Variants in CNTLN observed in about 807,000 individuals in gnomAD.
CNTLN encodes centlein, centrosomal protein.
A neutral mutation model predicts 180.0 loss-of-function variants in CNTLN; 212 were observed. That is an observed-to-expected ratio of 1.18 (90% CI 1.05 to 1.32). The LOEUF (loss-of-function observed/expected upper bound fraction) is 1.32, where lower values mean the gene tolerates loss of function less well. Among genes scored for constraint, CNTLN ranks in the 40% most tolerant of loss-of-function variants. The probability of loss-of-function intolerance (pLI) is 0.00; values close to 1 mark genes in which losing one functional copy is unlikely to be tolerated. For missense variants in CNTLN, 2,095 were observed against 1,610.9 expected, an observed-to-expected ratio of 1.30 and a Z score of -5.14; for synonymous variants, 722 against 563.1, an observed-to-expected ratio of 1.28 and a Z score of -3.99.
At chr9:17,210,392 C>T (rs1355999497) in intron 2 of CNTLN, among the ~76,000 whole-genome samples, 2 of 152,214 alleles carry the variant, frequency 1.3e-5, no homozygotes, top group African/African-American at 4.8e-5. Context: ...AGGACATAAA[C>T]TCATCCTTTT....
intron 12 of CNTLN, among the ~76,000 whole-genome samples, chr9:17,348,844 A>G (rs1225282781): frequency 6.6e-6 from 1 of 152,036 alleles, no homozygotes; most frequent in African/African-American, 2.4e-5. Flanking sequence ...CTCTGCTTTC[A>G]TTGACGGAGC....
chr9:17,469,470 TTATC>T (rs1466866457), intron 23 of CNTLN, among the ~76,000 whole-genome samples: 2 of 151,784 alleles, frequency 1.3e-5, no homozygotes, highest in Admixed American at 6.6e-5. Context: ...AAAGGCATGA[TTATC>T]ATCTTTCTTG....
Position 17,240,191 on chromosome 9 carries a change from C to T in CNTLN, c.849+3603C>T, listed in dbSNP as rs576746475. ...TGCACTTCTTTGGGTAAATGTATTCCTGAATATTTTATTATTTTTGATGCT... is the reference window on the plus strand; with the variant it reads ...TGCACTTCTTTGGGTAAATGTATTCTTGAATATTTTATTATTTTTGATGCT... On this transcript the variant is annotated intron_variant, in intron 5 of 25. Transcript: ENST00000380647. Among the ~76,000 whole-genome samples the T allele has an allele frequency of 2.0e-5, 3 of 152,060 alleles. No individual in the cohort carries two copies. The East Asian group carries it at 5.8e-4, about 29-fold the overall frequency.
chr9:17,232,921 T>C (rs1371340767), intron 3 of CNTLN, among the ~76,000 whole-genome samples: 1 of 152,032 alleles, frequency 6.6e-6, no homozygotes, highest in African/African-American at 2.4e-5. Flanking sequence ...GGAGCCATTT[T>C]TATGCATCTA....
chr9:17,509,085 G>T, the CNTLN span, among the ~76,000 whole-genome samples: 45,006 of 152,126 alleles, frequency 0.3, 7,884 homozygotes, highest in Admixed American at 0.41. Context: ...CCCTGTCTTT[G>T]CCCAGTGGGC....
At chr9:17,309,622 C>T (rs1818985580) in intron 8 of CNTLN, among the ~76,000 whole-genome samples, 1 of 151,880 alleles carries the variant, frequency 6.6e-6, no homozygotes, top group African/African-American at 2.4e-5. Context: ...GCCATAATGC[C>T]TGGTATTCGG....
intron 15 of CNTLN, among the ~76,000 whole-genome samples, chr9:17,404,130 C>T (rs1827194778): frequency 6.6e-6 from 1 of 151,698 alleles, no homozygotes; most frequent in South Asian, 2.1e-4. Flanking sequence ...TCTTCAAATT[C>T]ACTGGTATTA....
intron 2 of CNTLN, among the ~76,000 whole-genome samples, chr9:17,176,281 G>T (rs1348444603): frequency 2.0e-5 from 3 of 151,326 alleles, no homozygotes; most frequent in Non-Finnish European, 4.4e-5. Context: ...CTAGATTGCT[G>T]ATAATTTTTT....
chr9:17,326,313 A>G (rs774164536), intron 8 of CNTLN, among the ~76,000 whole-genome samples: 31 of 152,098 alleles, frequency 2.0e-4, no homozygotes, highest in Non-Finnish European at 1.8e-4. Flanking sequence ...AAAAAAATTT[A>G]TTTATAAAAT....
At chr9:17,456,781 A>G (rs763730025) in intron 18 of CNTLN, among the ~76,000 whole-genome samples, 5 of 152,134 alleles carry the variant, frequency 3.3e-5, no homozygotes, top group Admixed American at 6.6e-5. Context: ...ATGCCATTAT[A>G]GTTTGGTGAC....
intron 7 of CNTLN, among the ~76,000 whole-genome samples, chr9:17,306,124 A>G (rs1429559178): frequency 6.6e-6 from 1 of 151,490 alleles, no homozygotes; most frequent in East Asian, 1.9e-4. Context: ...AGAGAACACA[A>G]GAAGGGTGCT....
intron 2 of CNTLN, among the ~76,000 whole-genome samples, chr9:17,147,193 A>C (rs2779772): frequency 0.21 from 32,281 of 152,112 alleles, 3,784 homozygotes; most frequent in East Asian, 0.48. Context: ...TGTGTAGTAG[A>C]TAGACTTCAT....
chr9:17,491,335 A>G (rs1313402755), intron 25 of CNTLN, among the ~76,000 whole-genome samples: 2 of 152,118 alleles, frequency 1.3e-5, no homozygotes, highest in East Asian at 3.9e-4. Context: ...TAGAATTTAC[A>G]CTTCTGGGGA....
rs754103426 is a variant in CNTLN at position 17,394,633 on chromosome 9, T to G, written c.2179T>G (p.Ser727Ala). The G allele has an allele frequency of 6.2e-7, 1 of 1,605,396 alleles. No individual in the cohort carries two copies. Among genetic ancestry groups the G allele is most frequent in the Admixed American group, 1.7e-5 (1 of 58,384 alleles). Residue 727 changes from serine (S) to alanine (A), a missense_variant, in exon 15 of 26, where the codon TCC becomes GCC. By Grantham distance (99) the Ser-to-Ala change is moderately conservative. Coordinates refer to ENST00000380647, the MANE Select transcript of CNTLN (RefSeq NM_017738.4). ...KLMKENDFLK[S>A]LLKQQQEDTE... The stretch of plus-strand genomic sequence containing the variant: ...AATGAAAGAAAATGATTTTCTGAAA[T>G]CCCTCTTAAAACAGCAACAAGAAGA...
At chr9:17,279,858 CAATT>C (rs1828556450) in intron 6 of CNTLN, among the ~76,000 whole-genome samples, 1 of 57,712 alleles carries the variant, frequency 1.7e-5, no homozygotes, top group South Asian at 1.1e-3. Context: ...TGAATTAATC[CAATT>C]CTCATGAATG....
At chr9:17,154,877 A>C (rs117677248) in intron 2 of CNTLN, among the ~76,000 whole-genome samples, 1 of 152,160 alleles carries the variant, frequency 6.6e-6, no homozygotes, top group African/African-American at 2.4e-5. Flanking sequence ...GTCCCTTTCC[A>C]TACTGTGGAA....
rs869232090 is a variant in CNTLN at position 17,325,185 on chromosome 9, CT to C, written c.1342-5439del. Among the ~76,000 whole-genome samples the C allele has an allele frequency of 8.5e-5, 10 of 118,170 alleles. No homozygotes were observed. In the East Asian group the frequency reaches 2.0e-3, roughly 23 times the overall value. The allele number at this position is 118,170 out of a possible 152,430, so 77.5% of individuals were successfully genotyped here. A position where few individuals can be genotyped will look rare whatever the true frequency, so the allele number is the denominator to read the frequency against. ...TTAAATTGATATTCTTTTTCTTTTT[CT>C]TTTTTTTACAAGAATATATGACTAT... On this transcript the variant is annotated intron_variant, in intron 8 of 25. Transcript: ENST00000380647.
At chr9:17,180,156 A>C (rs573549721) in intron 2 of CNTLN, among the ~76,000 whole-genome samples, 18 of 148,052 alleles carry the variant, frequency 1.2e-4, no homozygotes, top group Middle Eastern at 3.6e-3. Context: ...GATTATTTAC[A>C]TTCAGCTTGA....
intron 2 of CNTLN, among the ~76,000 whole-genome samples, chr9:17,156,672 T>C (rs1819315002): frequency 6.6e-6 from 1 of 152,234 alleles, no homozygotes; most frequent in African/African-American, 2.4e-5. Flanking sequence ...TTTTAGATGT[T>C]ACTATTTACA....
Sources: gnomAD v4.1 joint callset for allele counts (sites outside exome capture counted in the v4.1 genomes callset) on GRCh38, gnomAD v4.1.1 for gene constraint, MANE v1.5 for transcripts, NCBI Gene and HGNC (gene_info 2026-07-23, HGNC 2026-07-21) for gene names.